CCDC186: variants seen among roughly 807,000 people sequenced by gnomAD.
CCDC186 encodes the protein coiled-coil domain-containing protein 186.
In CCDC186, 49 loss-of-function variants were observed where a neutral mutation model predicts 113.7. The observed-to-expected ratio is 0.43, with a 90% CI of 0.34 to 0.55. The LOEUF (loss-of-function observed/expected upper bound fraction) is 0.55. CCDC186 is among the 20% of genes least tolerant of loss of function. The probability of loss-of-function intolerance (pLI) is 0.02; values close to 1 mark genes in which losing one functional copy is unlikely to be tolerated. For missense variants in CCDC186, 890 were observed against 1,011.1 expected, an observed-to-expected ratio of 0.88 and a Z score of 1.62; for synonymous variants, 355 against 345.8, an observed-to-expected ratio of 1.03 and a Z score of -0.30.
At chr10:114,147,974 C>A (rs1366261293) in intron 4 of CCDC186, among the ~76,000 whole-genome samples, 1 of 151,706 alleles carries the variant, frequency 6.6e-6, no homozygotes, top group Non-Finnish European at 1.5e-5. Flanking sequence ...ACAAAAAAAA[C>A]AAAAAACAAA....
chr10:114,144,635 G>A lies in CCDC186; in HGVS notation c.1102-19C>T. ...CGCCTTCCTAAAATAATATCACTAG[G>A]TCATATATTTTCATTTATAGAATCA... On this transcript the variant is annotated intron_variant, in intron 5 of 15. Transcript: ENST00000369287. The A allele has an allele frequency of 6.3e-7, 1 of 1,582,564 alleles. No individual in the cohort carries two copies. Among genetic ancestry groups the A allele is most frequent in the Non-Finnish European group, 8.6e-7 (1 of 1,161,148 alleles).
In CCDC186 at chr10:114,145,077, A is replaced by G. The variant is rs11196640; in HGVS notation, c.1102-461T>C. ...TTCTGAATAGCTGGCTCAGTAACTA[A>G]ATCTCTTTAGATAGTATCTAAGAAA... On this transcript the variant is annotated intron_variant, in intron 5 of 15. Coordinates refer to ENST00000369287, the MANE Select transcript of CCDC186 (RefSeq NM_018017.4). Among the ~76,000 whole-genome samples, 909 of 152,244 alleles carry G rather than the reference A, an allele frequency of 6.0e-3. 16 individuals carry two copies. The East Asian group carries it at 0.06, about 10-fold the overall frequency.
intron 1 of CCDC186, among the ~76,000 whole-genome samples, chr10:114,169,356 C>T (rs750345479): frequency 1.2e-4 from 18 of 151,516 alleles, no homozygotes; most frequent in Non-Finnish European, 1.9e-4. Context: ...GCGATTCTCC[C>T]GCTCAGCCTC....
At chr10:114,152,054 G>A (rs1057300953) in intron 3 of CCDC186, among the ~76,000 whole-genome samples, 15 of 152,266 alleles carry the variant, frequency 9.9e-5, no homozygotes, top group African/African-American at 3.6e-4. Flanking sequence ...TGTTAAGACG[G>A]GAAAGGAGCC....
At chr10:114,162,048 C>T (rs1009173605) in intron 2 of CCDC186, 3 of 152,060 alleles carry the variant, frequency 2.0e-5, no homozygotes, top group South Asian at 2.1e-4. Context: ...TGTTGTTTAA[C>T]GAATACAGTG....
chr10:114,132,011 T>C lies in CCDC186; in HGVS notation c.1829A>G (p.Gln610Arg), dbSNP rs2031103318. ...AQLQSESNSL[Q>R]SQFDKVSCSE... ...ACAGGAAACTTTATCAAATTGTGAC[T>C]GCAAAGAATTGGATTCAGACTGAAG... Residue 610 changes from glutamine to arginine, a missense_variant, in exon 11 of 16, where the codon CAG (glutamine) becomes CGG (arginine). By Grantham distance (43) the Gln-to-Arg change is conservative. Transcript: ENST00000369287. The C allele has an allele frequency of 6.2e-7, 1 of 1,613,222 alleles. No individual in the cohort carries two copies.
At chr10:114,169,347 C>A (rs888905315) in intron 1 of CCDC186, among the ~76,000 whole-genome samples, 1 of 150,292 alleles carries the variant, frequency 6.7e-6, no homozygotes, top group African/African-American at 2.5e-5. Flanking sequence ...TGGGTTCCAG[C>A]GATTCTCCCG....
Position 114,163,236 on chromosome 10 carries a change from G to C in CCDC186, c.33C>G (p.Ser11=). MSETDHIAST[S]SDKNVGKTPE... is the part of the protein sequence containing the mutation. ...GTGTTTTCCCAACATTTTTATCAGA[G>C]GAAGTAGAGGCTATGTGGTCTGTCT... The change falls in exon 2 of 16, where the codon TCC becomes TCG. Residue 11 remains serine, a synonymous_variant. Transcript: ENST00000369287. The C allele has an allele frequency of 6.2e-7, 1 of 1,612,778 alleles. No individual in the cohort carries two copies. The highest frequency in any genetic ancestry group is 8.5e-7 in the Non-Finnish European group (1 of 1,179,988).
intron 4 of CCDC186, 99 bp from the exon 5 acceptor site, chr10:114,145,860 G>A: frequency 1.7e-6 from 2 of 1,146,098 alleles, no homozygotes; most frequent in Admixed American, 3.0e-5. Flanking sequence ...CCAATGCATT[G>A]TTTGGTTTTT....
chr10:114,169,879 G>A (rs549162847), intron 1 of CCDC186, among the ~76,000 whole-genome samples: 23 of 152,230 alleles, frequency 1.5e-4, no homozygotes, highest in Non-Finnish European at 2.6e-4. Flanking sequence ...GATACTTTCT[G>A]GATAAAGCTA....
Position 114,145,561 on chromosome 10 carries a change from C to T in CCDC186, c.1089G>A (p.Leu363=), listed in dbSNP as rs539761557. Reference sequence around the variant, plus strand: ...GCACAAGTTATACCTTAGTTTCATACAGCTGGTGCAACCGTCCTTTCTCCT... The same window carrying T: ...GCACAAGTTATACCTTAGTTTCATATAGCTGGTGCAACCGTCCTTTCTCCT... ...LSQEKGRLHQ[L]YETKEGETTR... is the part of the protein sequence containing the mutation. Residue 363 remains leucine, a synonymous_variant, in exon 5 of 16, where the codon CTG becomes CTA. Transcript: ENST00000369287. 1.2e-6 allele frequency: 2 copies of T among 1,607,126 alleles called. No individual in the cohort carries two copies.
chr10:114,135,330 C>T (rs1056672754), intron 9 of CCDC186, among the ~76,000 whole-genome samples: 1 of 151,940 alleles, frequency 6.6e-6, no homozygotes, highest in South Asian at 2.1e-4. Flanking sequence ...GCAAGAAGAA[C>T]AAATAAGAAG....
intron 1 of CCDC186, 21 bp from the exon 2 acceptor site, chr10:114,163,350 A>C: frequency 6.6e-7 from 1 of 1,526,420 alleles, no homozygotes; most frequent in Non-Finnish European, 8.7e-7. Context: ...GAAACATCAA[A>C]ATTAAAAACC....
At position 114,151,241 on chromosome 10, in the gene CCDC186, A is replaced by C. The variant is rs780556852; in HGVS notation, c.760-21T>G. The stretch of plus-strand genomic sequence containing the variant: ...TCTAACTGTAAAGAAAATTATTTCC[A>C]AATTATTTTTATAGCTATACCAAAT... On this transcript the variant is annotated intron_variant, in intron 3 of 15. Coordinates refer to ENST00000369287, the MANE Select transcript of CCDC186 (RefSeq NM_018017.4). The C allele has an allele frequency of 5.5e-6, 8 of 1,466,022 alleles. No homozygotes were observed. In the African/African-American group the frequency reaches 1.1e-4, roughly 21 times the overall value. 90.8% of individuals were successfully genotyped at this position (1,466,022 alleles called of 1,614,324 possible).
chr10:114,140,754 A>C (rs1178661614), intron 6 of CCDC186, among the ~76,000 whole-genome samples: 1 of 152,068 alleles, frequency 6.6e-6, no homozygotes, highest in Admixed American at 6.5e-5. Context: ...CATTATGTCA[A>C]TCTGTTTTTT....
At chr10:114,150,147 C>G (rs1049877720) in intron 4 of CCDC186, among the ~76,000 whole-genome samples, 7 of 152,154 alleles carry the variant, frequency 4.6e-5, no homozygotes, top group African/African-American at 1.7e-4. Flanking sequence ...AGGGTGGGAT[C>G]CATCACATTC....
chr10:114,142,824 C>T (rs114765222), intron 6 of CCDC186, among the ~76,000 whole-genome samples: 403 of 152,298 alleles, frequency 2.6e-3, no homozygotes, highest in African/African-American at 9.1e-3. Context: ...GAAAAATTTA[C>T]TAAGTGTCTC....
intron 4 of CCDC186, among the ~76,000 whole-genome samples, chr10:114,149,875 A>C (rs185755539): frequency 6.6e-6 from 1 of 151,972 alleles, no homozygotes; most frequent in Admixed American, 6.5e-5. Flanking sequence ...GCAGGCAGGC[A>C]GGTTGGCTCA....
At position 114,145,618 on chromosome 10, in the gene CCDC186, C is replaced by T; in HGVS notation, c.1032G>A (p.Glu344=). ...KKLRDANKEL[E]KNTNKIKQLS... The stretch of plus-strand genomic sequence containing the variant: ...GCTGCTTAATTTTGTTAGTGTTTTT[C>T]TCAAGTTCCTTATTTGCATCTCTAA... The change falls in exon 5 of 16, where the codon GAG becomes GAA. Residue 344 remains glutamate, a synonymous_variant. Transcript: ENST00000369287. 6.2e-7 allele frequency: 1 copy of T among 1,613,092 alleles called. No homozygotes were observed. Among genetic ancestry groups the T allele is most frequent in the East Asian group, 2.2e-5 (1 of 44,822 alleles).
Sources: gnomAD v4.1 joint callset for allele counts (sites outside exome capture counted in the v4.1 genomes callset) on GRCh38, gnomAD v4.1.1 for gene constraint, MANE v1.5 for transcripts, NCBI Gene and HGNC (gene_info 2026-07-23, HGNC 2026-07-21) for gene names.